GABRG2: variants seen among roughly 807,000 people sequenced by gnomAD.
GABRG2 encodes the protein gamma-aminobutyric acid receptor subunit gamma-2.
GABRG2 carries 16 observed loss-of-function variants against 56.4 expected under a neutral mutation model. The observed-to-expected ratio is 0.28, with a 90% confidence interval of 0.19 to 0.43. The LOEUF (loss-of-function observed/expected upper bound fraction) is 0.43, where lower values mean the gene tolerates loss of function less well. Ranked by LOEUF, GABRG2 falls within the 20% of genes least tolerant of loss-of-function variation. The pLI is 1.00. For missense variants in GABRG2, 327 were observed against 582.7 expected (o/e 0.56, Z 4.52); for synonymous variants, 208 against 205.5 (o/e 1.01, Z -0.10).
At chr5:162,121,092 C>A (rs1166623690) in intron 6 of GABRG2, among the ~76,000 whole-genome samples, 1 of 152,058 alleles carries the variant, frequency 6.6e-6, no homozygotes, top group Non-Finnish European at 1.5e-5. Flanking sequence ...TTTACTGAAA[C>A]CTCCCTCTGT....
intron 1 of GABRG2, among the ~76,000 whole-genome samples, chr5:162,077,052 G>A (rs1469185392): frequency 2.0e-5 from 3 of 148,442 alleles, no homozygotes; most frequent in Admixed American, 6.9e-5. Context: ...CCAAATGTAT[G>A]CAGTATTATA....
At chr5:162,097,523 A>C in intron 3 of GABRG2, 115 bp from the exon 4 acceptor site, 1 of 835,622 alleles carries the variant, frequency 1.2e-6, no homozygotes. Flanking sequence ...GAACTATTCA[A>C]AGCCAAGATA....
rs373941181 is a variant in GABRG2, at chr5:162,078,296, A to C, written c.107+10190A>C. ...ACAAATAGTGTTATGCCACATTAAA[A>C]TTAATCAGATCCCTTTAAACACTGG... is the stretch of plus-strand genomic sequence containing the variant. On this transcript the variant is annotated intron_variant, in intron 1 of 9. Coordinates refer to ENST00000639213, the MANE Select transcript of GABRG2 (RefSeq NM_198904.4). Among the ~76,000 whole-genome samples, 399 of 148,882 alleles carry C rather than the reference A, an allele frequency of 2.7e-3. 3 individuals are homozygous for C. The highest frequency in any genetic ancestry group is 8.0e-3 in the African/African-American group (323 of 40,362).
intron 1 of GABRG2, among the ~76,000 whole-genome samples, chr5:162,085,958 A>G (rs1442870301): frequency 2.7e-5 from 4 of 145,704 alleles, no homozygotes; most frequent in Non-Finnish European, 4.6e-5. Context: ...TACGTACCAC[A>G]TTTTTTTTTT....
At chr5:162,078,831 T>G (rs1225845641) in intron 1 of GABRG2, among the ~76,000 whole-genome samples, 1 of 151,984 alleles carries the variant, frequency 6.6e-6, no homozygotes, top group East Asian at 1.9e-4. Flanking sequence ...AGTGAGGTCA[T>G]ACATGGAACG....
At chr5:162,087,974 A>G (rs1219642340) in intron 1 of GABRG2, among the ~76,000 whole-genome samples, 1 of 152,120 alleles carries the variant, frequency 6.6e-6, no homozygotes, top group African/African-American at 2.4e-5. Flanking sequence ...AAGTAGGACA[A>G]TTTGTTAGCA....
intron 6 of GABRG2, among the ~76,000 whole-genome samples, chr5:162,125,175 A>C (rs2113505929): frequency 6.6e-6 from 1 of 151,928 alleles, no homozygotes; most frequent in South Asian, 2.1e-4. Context: ...TCTGGTAGAG[A>C]AACAACTAGA....
chr5:162,108,276 A>T (rs752147232), intron 6 of GABRG2, among the ~76,000 whole-genome samples: 1 of 152,188 alleles, frequency 6.6e-6, no homozygotes, highest in Admixed American at 6.5e-5. Context: ...TCATGTCTCA[A>T]TAATTCAGTA....
chr5:162,113,835 A>T (rs1170625796), intron 6 of GABRG2, among the ~76,000 whole-genome samples: 3 of 152,226 alleles, frequency 2.0e-5, no homozygotes, highest in Non-Finnish European at 2.9e-5. Context: ...CCTACTGATC[A>T]CATTTCCTTA....
At chr5:162,078,576 T>C (rs554647198) in intron 1 of GABRG2, among the ~76,000 whole-genome samples, 73 of 151,140 alleles carry the variant, frequency 4.8e-4, no homozygotes, top group African/African-American at 1.7e-3. Flanking sequence ...CGGATAATTT[T>C]TTACATTTTT....
intron 7 of GABRG2, among the ~76,000 whole-genome samples, chr5:162,145,031 C>T (rs1192118983): frequency 6.6e-6 from 1 of 152,170 alleles, no homozygotes; most frequent in East Asian, 1.9e-4. Context: ...CTCTAGACTT[C>T]ATTGAGTCCC....
At chr5:162,111,636 G>T (rs1008919794) in intron 6 of GABRG2, among the ~76,000 whole-genome samples, 5 of 152,028 alleles carry the variant, frequency 3.3e-5, no homozygotes, top group African/African-American at 9.7e-5. Flanking sequence ...ATACACAATG[G>T]TATTTTATTT....
rs1765501325 is a variant in GABRG2, at chr5:162,153,227, T to A, written c.1287T>A (p.Phe429Leu). 4 of 1,614,028 alleles carry A rather than the reference T, an allele frequency of 2.5e-6. No individual in the cohort carries two copies. The highest frequency in any genetic ancestry group is 3.4e-6 in the Non-Finnish European group (4 of 1,180,012). The change falls in exon 10 of 10, where the codon TTT becomes TTA. Residue 429 changes from phenylalanine to leucine, a missense_variant. Physicochemically the swap from Phe to Leu is conservative, Grantham distance 22. Transcript: ENST00000639213. ...ACTGTGCCAGTTTTTTCTGCTGTTT[T>A]GAAGATTGTCGAACAGGAGCTTGGA... is the stretch of plus-strand genomic sequence containing the variant. ...GKDCASFFCC[F>L]EDCRTGAWRH...
intron 1 of GABRG2, among the ~76,000 whole-genome samples, chr5:162,072,795 T>C (rs1369984806): frequency 6.6e-6 from 1 of 151,354 alleles, no homozygotes; most frequent in Non-Finnish European, 1.5e-5. Context: ...TATAGATAGA[T>C]TAAATGACTT....
At chr5:162,115,383 A>G (rs1762546223) in intron 6 of GABRG2, among the ~76,000 whole-genome samples, 1 of 152,200 alleles carries the variant, frequency 6.6e-6, no homozygotes, top group Non-Finnish European at 1.5e-5. Context: ...AATTCCTAAC[A>G]AAACTTTTAT....
At chr5:162,111,241 A>G (rs1762232437) in intron 6 of GABRG2, among the ~76,000 whole-genome samples, 1 of 152,130 alleles carries the variant, frequency 6.6e-6, no homozygotes, top group South Asian at 2.1e-4. Context: ...CCCCCTATCT[A>G]TTTTGTTCTT....
intron 6 of GABRG2, chr5:162,129,379 C>A (rs918325523): frequency 7.9e-5 from 12 of 151,430 alleles, no homozygotes; most frequent in African/African-American, 2.9e-4. Context: ...TCTTTCTTAA[C>A]GTGAAAAAGA....
chr5:162,084,235 T>C (rs2113220034), intron 1 of GABRG2, among the ~76,000 whole-genome samples: 1 of 151,820 alleles, frequency 6.6e-6, no homozygotes, highest in African/African-American at 2.4e-5. Flanking sequence ...TGTCTTTTAA[T>C]ACTGTACCTA....
At chr5:162,104,432 A>G (rs1292336842) in intron 6 of GABRG2, among the ~76,000 whole-genome samples, 3 of 152,198 alleles carry the variant, frequency 2.0e-5, no homozygotes, top group South Asian at 2.1e-4. Context: ...CCCATTCTCC[A>G]TTCAGTAGTT....
Sources: allele counts gnomAD v4.1 joint callset (sites outside exome capture counted in the v4.1 genomes callset), GRCh38; gene constraint gnomAD v4.1.1; transcripts MANE v1.5; gene names NCBI Gene and HGNC (gene_info 2026-07-23, HGNC 2026-07-21).